Variants in ZNF804B observed in about 807,000 individuals in gnomAD.
ZNF804B encodes the protein zinc finger 804B.
A neutral mutation model predicts 101.4 loss-of-function variants in ZNF804B; 80 were observed. The ratio of observed to expected loss-of-function variants is 0.79; its 90% CI spans 0.66 to 0.95. The LOEUF is 0.95. ZNF804B is among the 40% of genes least tolerant of loss of function. ZNF804B has a pLI of 0.00. For synonymous variants in ZNF804B, 622 were observed against 558.8 expected (o/e 1.11, Z -1.59); for missense variants, 1,673 against 1,561.9 (o/e 1.07, Z -1.20).
At chr7:89,221,122 A>T (rs1294571091) in intron 2 of ZNF804B, among the ~76,000 whole-genome samples, 1 of 151,994 alleles carries the variant, frequency 6.6e-6, no homozygotes, top group Non-Finnish European at 1.5e-5. Context: ...TCCATTTATC[A>T]TTAAGTTTCC....
chr7:88,773,087 T>G (rs1219791988), intron 1 of ZNF804B, among the ~76,000 whole-genome samples: 1 of 152,230 alleles, frequency 6.6e-6, no homozygotes, highest in Non-Finnish European at 1.5e-5. Flanking sequence ...ATTAGCTATC[T>G]GATACACTGC....
At chr7:89,039,242 C>T (rs969137488) in intron 1 of ZNF804B, among the ~76,000 whole-genome samples, 13 of 151,714 alleles carry the variant, frequency 8.6e-5, no homozygotes, top group Non-Finnish European at 1.3e-4. Flanking sequence ...TTTATTGTTT[C>T]TGTAGATTGC....
intron 1 of ZNF804B, among the ~76,000 whole-genome samples, chr7:88,983,233 C>T (rs1184822677): frequency 6.6e-6 from 1 of 152,036 alleles, no homozygotes; most frequent in East Asian, 1.9e-4. Flanking sequence ...GAATCAGGTT[C>T]TACATTTAAC....
At chr7:88,969,321 C>T (rs914604176) in intron 1 of ZNF804B, among the ~76,000 whole-genome samples, 2 of 151,546 alleles carry the variant, frequency 1.3e-5, no homozygotes, top group South Asian at 2.1e-4. Flanking sequence ...TTTTATAAAA[C>T]ATCAAGGTGC....
At chr7:88,949,857 A>C (rs1489286986) in intron 1 of ZNF804B, among the ~76,000 whole-genome samples, 1 of 151,954 alleles carries the variant, frequency 6.6e-6, no homozygotes, top group Non-Finnish European at 1.5e-5. Context: ...CATGCTGTAC[A>C]GGTTTGTAGC....
At chr7:89,285,522 C>CAAAAAAAAA (rs778078214) in intron 2 of ZNF804B, among the ~76,000 whole-genome samples, 385 of 22,324 alleles carry the variant, frequency 0.017, 31 homozygotes, top group African/African-American at 0.019. Context: ...GACTCTGTCT[C>CAAAAAAAAA]AAAAAAAAAA....
Position 89,171,288 on chromosome 7 carries a change from G to GCTGCTGCTGCTGCTTCTTCTTCTT in ZNF804B, c.109-46865_109-46864insGCTGCTGCTGCTTCTTCTTCTTCT, listed in dbSNP as rs1215246589. On this transcript the variant is annotated intron_variant, in intron 1 of 3. Coordinates refer to ENST00000333190, the MANE Select transcript of ZNF804B (RefSeq NM_181646.5). ...AGTAGGCACAAATAATGCTGCTGCTGCTTCTTCTTCTTCTTCTTCTTCTTC... is the reference window on the plus strand; with the variant it reads ...AGTAGGCACAAATAATGCTGCTGCTGCTGCTGCTGCTGCTTCTTCTTCTTCTTCTTCTTCTTCTTCTTCTTCTTC... 2.4e-3 allele frequency among the ~76,000 whole-genome samples: 197 copies of GCTGCTGCTGCTGCTTCTTCTTCTT among 82,496 alleles called. 1 individual carries two copies. Among genetic ancestry groups the GCTGCTGCTGCTGCTTCTTCTTCTT allele is most frequent in the Non-Finnish European group, 3.4e-3 (131 of 38,640 alleles). The allele number at this position is 82,496 out of a possible 152,430, so 54.1% of individuals were successfully genotyped here.
At chr7:89,278,970 T>C (rs1233960751) in intron 2 of ZNF804B, among the ~76,000 whole-genome samples, 2 of 152,182 alleles carry the variant, frequency 1.3e-5, no homozygotes, top group Admixed American at 6.5e-5. Flanking sequence ...ATATTGATTC[T>C]TCCTATCCAT....
chr7:88,926,844 C>T (rs566060442), intron 1 of ZNF804B, among the ~76,000 whole-genome samples: 10 of 151,276 alleles, frequency 6.6e-5, no homozygotes, highest in Admixed American at 1.3e-4. Flanking sequence ...ATAACAGCAA[C>T]TAGCAATTGT....
At chr7:89,167,105 A>G (rs989810337) in intron 1 of ZNF804B, among the ~76,000 whole-genome samples, 4 of 151,930 alleles carry the variant, frequency 2.6e-5, no homozygotes, top group Non-Finnish European at 5.9e-5. Context: ...ATATATTCTT[A>G]GACTATGTGG....
Position 89,158,167 on chromosome 7 carries a change from C to A in ZNF804B, c.109-59988C>A, listed in dbSNP as rs141082882. Among the ~76,000 whole-genome samples the A allele has an allele frequency of 1.4e-3, 220 of 152,244 alleles. 1 individual carries two copies. The highest frequency in any genetic ancestry group is 4.9e-3 in the African/African-American group (203 of 41,568). On this transcript the variant is annotated intron_variant, in intron 1 of 3. Coordinates refer to ENST00000333190, the MANE Select transcript of ZNF804B (RefSeq NM_181646.5). Reference sequence around the variant, plus strand: ...ATTCTGGTTTGAATCACTTTCTTGGCTCTGGCCTCAAACTCTCTTCAGCTC... The same window carrying A: ...ATTCTGGTTTGAATCACTTTCTTGGATCTGGCCTCAAACTCTCTTCAGCTC...
intron 1 of ZNF804B, among the ~76,000 whole-genome samples, chr7:89,012,220 G>C (rs138795573): frequency 2.9e-3 from 445 of 152,174 alleles, no homozygotes; most frequent in Middle Eastern, 0.01. Context: ...AAGCTGAAAG[G>C]CCCTGGGCCC....
intron 1 of ZNF804B, among the ~76,000 whole-genome samples, chr7:89,054,739 G>C (rs1789265327): frequency 6.6e-6 from 1 of 151,992 alleles, no homozygotes; most frequent in Non-Finnish European, 1.5e-5. Context: ...TGGAGTGGAG[G>C]AAGAGGAGGT....
At chr7:89,016,023 G>A (rs1049808577) in intron 1 of ZNF804B, among the ~76,000 whole-genome samples, 199 of 152,240 alleles carry the variant, frequency 1.3e-3, no homozygotes, top group African/African-American at 4.6e-3. Context: ...TGTAATGATT[G>A]CCATTCTAAC....
intron 2 of ZNF804B, among the ~76,000 whole-genome samples, chr7:89,238,660 C>A (rs1212079902): frequency 6.6e-6 from 1 of 152,194 alleles, no homozygotes; most frequent in East Asian, 1.9e-4. Flanking sequence ...TGCCAAGGGG[C>A]AAATAAAGCT....
rs533602029 is a variant in ZNF804B at position 88,813,408 on chromosome 7, G to C, written c.108+53324G>C. ...CCACAGCACTCCAGCCTGGGCCAAA[G>C]AGCGAGACTCCATCTAAAAAAAAAA... On this transcript the variant is annotated intron_variant, in intron 1 of 3. Transcript: ENST00000333190. Among the ~76,000 whole-genome samples, 285 of 142,060 alleles carry C rather than the reference G, an allele frequency of 2.0e-3. 1 individual carries two copies. Among genetic ancestry groups the C allele is most frequent in the African/African-American group, 7.2e-3 (270 of 37,516 alleles). The allele number at this position is 142,060 out of a possible 152,430, so 93.2% of individuals were successfully genotyped here. A position where few individuals can be genotyped will look rare whatever the true frequency, so the allele number is the denominator to read the frequency against.
chr7:88,999,583 T>C (rs1364332839), intron 1 of ZNF804B, among the ~76,000 whole-genome samples: 1 of 152,004 alleles, frequency 6.6e-6, no homozygotes, highest in East Asian at 1.9e-4. Context: ...AATCAGCATT[T>C]TTGTTGCCTA....
At chr7:88,954,291 A>C (rs1250712700) in intron 1 of ZNF804B, among the ~76,000 whole-genome samples, 2 of 151,730 alleles carry the variant, frequency 1.3e-5, no homozygotes, top group Non-Finnish European at 1.5e-5. Context: ...ATTTTAGCCA[A>C]AATAGGAATG....
intron 1 of ZNF804B, among the ~76,000 whole-genome samples, chr7:89,126,031 A>G (rs949141721): frequency 3.3e-5 from 5 of 152,016 alleles, no homozygotes; most frequent in African/African-American, 9.7e-5. Context: ...TTGTAAATCA[A>G]TATCTTCAGA....
Sources: gnomAD v4.1 joint callset for allele counts (sites outside exome capture counted in the v4.1 genomes callset) on GRCh38, gnomAD v4.1.1 for gene constraint, MANE v1.5 for transcripts, NCBI Gene and HGNC (gene_info 2026-07-23, HGNC 2026-07-21) for gene names.